THSD7B: variants seen among roughly 807,000 people sequenced by gnomAD.
The protein encoded by THSD7B is thrombospondin type 1 domain containing 7B, also known as thrombospondin type-1 domain-containing protein 7B.
THSD7B carries 138 observed loss-of-function variants against 213.6 expected under a neutral mutation model. That is an observed-to-expected ratio of 0.65 (90% CI 0.56 to 0.74). THSD7B has a LOEUF of 0.74. THSD7B is among the 30% of genes least tolerant of loss of function. The probability of loss-of-function intolerance (pLI) is 0.00; values close to 1 mark genes in which losing one functional copy is unlikely to be tolerated. For missense variants in THSD7B, 1,931 were observed against 1,991.5 expected, an observed-to-expected ratio of 0.97 and a Z score of 0.58; for synonymous variants, 742 against 687.0, an observed-to-expected ratio of 1.08 and a Z score of -1.25.
chr2:137,566,540 T>A (rs1681242727), intron 16 of THSD7B, among the ~76,000 whole-genome samples: 1 of 152,208 alleles, frequency 6.6e-6, no homozygotes, highest in South Asian at 2.1e-4. Context: ...GGACTTGACC[T>A]GATTAACCCT....
At chr2:137,247,941 A>T (rs1272076456) in intron 10 of THSD7B, among the ~76,000 whole-genome samples, 1 of 152,178 alleles carries the variant, frequency 6.6e-6, no homozygotes, top group Non-Finnish European at 1.5e-5. Flanking sequence ...AAGAGCTGTT[A>T]TAAGGAGGAC....
chr2:137,297,027 CTTA>C (rs1004018912), intron 12 of THSD7B, among the ~76,000 whole-genome samples: 6 of 149,980 alleles, frequency 4.0e-5, no homozygotes, highest in African/African-American at 1.5e-4. Flanking sequence ...TTTTTTTATT[CTTA>C]TTATTTTTTA....
chr2:137,668,967 A>G (rs903514842), intron 27 of THSD7B, among the ~76,000 whole-genome samples: 5 of 152,282 alleles, frequency 3.3e-5, no homozygotes, highest in African/African-American at 4.8e-5. Context: ...AATTCTGCAT[A>G]TAAGTTGATG....
intron 2 of THSD7B, among the ~76,000 whole-genome samples, chr2:136,892,576 A>G (rs1683881368): frequency 6.6e-6 from 1 of 151,790 alleles, no homozygotes; most frequent in Non-Finnish European, 1.5e-5. Flanking sequence ...TATTTCACGT[A>G]TATCCTCTCT....
intron 20 of THSD7B, among the ~76,000 whole-genome samples, chr2:137,624,269 A>G (rs1682579719): frequency 6.6e-6 from 1 of 152,266 alleles, no homozygotes; most frequent in South Asian, 2.1e-4. Flanking sequence ...AAAACTGGCC[A>G]GCCAGATGTA....
At chr2:137,420,242 G>T (rs1385352626) in intron 14 of THSD7B, among the ~76,000 whole-genome samples, 1 of 151,994 alleles carries the variant, frequency 6.6e-6, no homozygotes, top group African/African-American at 2.4e-5. Context: ...AGCAGTCCTG[G>T]GTTCTAGAAT....
chr2:137,044,365 G>T (rs1423096108), intron 2 of THSD7B, among the ~76,000 whole-genome samples: 1 of 152,148 alleles, frequency 6.6e-6, no homozygotes, highest in Non-Finnish European at 1.5e-5. Flanking sequence ...TGACATGTTT[G>T]CTGTAAAGTG....
chr2:137,429,000 A>C (rs1314892655), intron 14 of THSD7B, among the ~76,000 whole-genome samples: 1 of 152,176 alleles, frequency 6.6e-6, no homozygotes. Context: ...ACCAGACACC[A>C]AGTTTGCCAG....
chr2:137,094,553 A>G (rs1425129695), intron 3 of THSD7B, among the ~76,000 whole-genome samples: 1 of 150,630 alleles, frequency 6.6e-6, no homozygotes, highest in East Asian at 2.2e-4. Flanking sequence ...GCAAGACTCC[A>G]TCTCTAAAAA....
At chr2:137,113,287 G>A (rs1416338238) in intron 4 of THSD7B, among the ~76,000 whole-genome samples, 1 of 152,162 alleles carries the variant, frequency 6.6e-6, no homozygotes, top group Non-Finnish European at 1.5e-5. Context: ...CTGAAGAATA[G>A]GGTAAGGACT....
Position 137,115,228 on chromosome 2 carries a change from T to A in THSD7B, c.1304T>A (p.Ile435Asn), listed in dbSNP as rs1355322570. 6.2e-7 allele frequency: 1 copy of A among 1,613,412 alleles called. No homozygotes were observed. The highest frequency in any genetic ancestry group is 8.5e-7 in the Non-Finnish European group (1 of 1,179,684). Residue 435 changes from isoleucine to asparagine, a missense_variant, in exon 5 of 28, where the codon ATC (isoleucine) becomes AAC (asparagine). Transcript: ENST00000409968. ...HVTGPVCGGG[I>N]QTREVYCAQS... ...ACGGGACCCGTGTGTGGCGGTGGGATCCAGACCCGGGAGGTGTACTGTGCC... is the reference window on the plus strand; with the variant it reads ...ACGGGACCCGTGTGTGGCGGTGGGAACCAGACCCGGGAGGTGTACTGTGCC...
chr2:137,356,756 A>G (rs1017048452), intron 12 of THSD7B, among the ~76,000 whole-genome samples: 1 of 152,058 alleles, frequency 6.6e-6, no homozygotes, highest in Non-Finnish European at 1.5e-5. Context: ...CTTCCAGTTG[A>G]CTCTTGAACT....
intron 5 of THSD7B, among the ~76,000 whole-genome samples, chr2:137,133,696 A>G (rs569356248): frequency 5.3e-5 from 8 of 152,340 alleles, no homozygotes; most frequent in East Asian, 1.9e-4. Context: ...CCACATGAAA[A>G]ATGCATAAAG....
chr2:137,523,494 A>G (rs1276325622), intron 15 of THSD7B, among the ~76,000 whole-genome samples: 1 of 152,196 alleles, frequency 6.6e-6, no homozygotes, highest in Non-Finnish European at 1.5e-5. Flanking sequence ...GAGAAATGTC[A>G]TTTTCAAACT....
chr2:137,042,781 G>A (rs1686905900), intron 2 of THSD7B, among the ~76,000 whole-genome samples: 2 of 152,308 alleles, frequency 1.3e-5, no homozygotes, highest in South Asian at 2.1e-4. Flanking sequence ...AGCTAACATT[G>A]ACCCTAACAA....
chr2:137,161,226 C>G (rs1680012766), intron 6 of THSD7B, among the ~76,000 whole-genome samples: 1 of 152,110 alleles, frequency 6.6e-6, no homozygotes, highest in African/African-American at 2.4e-5. Context: ...AAAGTTTACT[C>G]CTAGTGATAT....
chr2:137,164,985 A>G (rs1680096460), intron 6 of THSD7B, among the ~76,000 whole-genome samples: 1 of 152,170 alleles, frequency 6.6e-6, no homozygotes. Context: ...ATATGTAACA[A>G]ACCTGCAAGT....
chr2:136,937,898 T>G (rs1247733015), intron 2 of THSD7B, among the ~76,000 whole-genome samples: 1 of 152,192 alleles, frequency 6.6e-6, no homozygotes, highest in African/African-American at 2.4e-5. Context: ...AATAAAATAC[T>G]TGTCATTATC....
At chr2:136,790,119 TTGTGTGTGTG>T (rs34366029) in intron 1 of THSD7B, among the ~76,000 whole-genome samples, 1 of 148,046 alleles carries the variant, frequency 6.8e-6, no homozygotes, top group African/African-American at 2.5e-5. Context: ...GTGTGTGTGT[TTGTGTGTGTG>T]TGTGTGTGTG....
Sources: allele counts gnomAD v4.1 joint callset (sites outside exome capture counted in the v4.1 genomes callset), GRCh38; gene constraint gnomAD v4.1.1; transcripts MANE v1.5; gene names NCBI Gene and HGNC (gene_info 2026-07-23, HGNC 2026-07-21).